The following ARL5B variants were observed in gnomAD, a reference collection of about 807,000 sequenced individuals.
The protein encoded by ARL5B is ARF like GTPase 5B, also known as ADP-ribosylation factor-like protein 5B.
A neutral mutation model predicts 26.9 loss-of-function variants in ARL5B; 10 were observed. The observed-to-expected ratio is 0.37, with a 90% CI of 0.23 to 0.63. ARL5B has a LOEUF of 0.63. Among genes scored for constraint, ARL5B ranks in the 30% least tolerant of loss-of-function variants. The probability of loss-of-function intolerance (pLI) is 0.62; values close to 1 mark genes in which losing one functional copy is unlikely to be tolerated. For missense variants in ARL5B, 167 were observed against 213.9 expected (o/e 0.78, Z 1.37); for synonymous variants, 87 against 70.4 (o/e 1.24, Z -1.18).
In ARL5B at chr10:18,679,154, T is replaced by C. The variant is rs1437382176; in HGVS notation, c.*3938T>C. The C allele has an allele frequency of 1.3e-5, 2 of 151,862 alleles. No individual in the cohort carries two copies. Among genetic ancestry groups the C allele is most frequent in the African/African-American group, 4.8e-5 (2 of 41,420 alleles). The allele number at this position is 151,862 out of a possible 1,614,324, so 9.4% of individuals were successfully genotyped here. On this transcript the variant is annotated 3_prime_UTR_variant, in exon 6 of 6. Transcript: ENST00000377275. ...AACTTAAATTCAGCGAATTAATAGC[T>C]GAATAGAAATAGCTAATGACAATGC...
intron 3 of ARL5B, 132 bp downstream of exon 3, chr10:18,668,809 C>T (rs1320044996): frequency 4.1e-6 from 4 of 976,602 alleles, no homozygotes; most frequent in Non-Finnish European, 4.3e-6. Context: ...CTTGCTCTGT[C>T]GCCAGGCTAG....
intron 3 of ARL5B, among the ~76,000 whole-genome samples, chr10:18,671,612 G>A (rs79654577): frequency 6.6e-6 from 1 of 151,536 alleles, no homozygotes; most frequent in African/African-American, 2.4e-5. Context: ...CAGCTTAAGG[G>A]TGCTTTTTCG....
At chr10:18,665,872 A>G (rs1256786809) in intron 1 of ARL5B, among the ~76,000 whole-genome samples, 1 of 152,222 alleles carries the variant, frequency 6.6e-6, no homozygotes, top group Non-Finnish European at 1.5e-5. Context: ...TAACGGAATA[A>G]TTAGATGAGC....
In ARL5B at chr10:18,678,902, T is replaced by G. The variant is rs1411282699; in HGVS notation, c.*3686T>G. 4 of 151,866 alleles carry G rather than the reference T, an allele frequency of 2.6e-5. No individual in the cohort carries two copies. The highest frequency in any genetic ancestry group is 5.9e-5 in the Non-Finnish European group (4 of 67,802). The allele number at this position is 151,866 out of a possible 1,614,324, so 9.4% of individuals were successfully genotyped here. ...TTAGTGTCCATGGCTTTCCTTTTGT[T>G]TTTCCCATACTGAGGAACTTAAACT... On this transcript the variant is annotated 3_prime_UTR_variant, in exon 6 of 6. Transcript: ENST00000377275.
At position 18,679,537 on chromosome 10, in the gene ARL5B, C is replaced by T. The variant is rs2059924006; in HGVS notation, c.*4321C>T. The T allele has an allele frequency of 6.6e-6, 1 of 151,734 alleles. No homozygotes were observed. The highest frequency in any genetic ancestry group is 1.5e-5 in the Non-Finnish European group (1 of 67,810). 9.4% of individuals were successfully genotyped at this position (151,734 alleles called of 1,614,324 possible). A position where few individuals can be genotyped will look rare whatever the true frequency, so the allele number is the denominator to read the frequency against. On this transcript the variant is annotated 3_prime_UTR_variant, in exon 6 of 6. Transcript: ENST00000377275. ...TACTGTGAAGACTGAAATCCAAAAG[C>T]CAGGTTCCCCAAAAAAGTATTTTTA...
chr10:18,674,121 T>C lies in ARL5B; in HGVS notation c.477T>C (p.Ala159=). The C allele has an allele frequency of 1.2e-6, 2 of 1,610,556 alleles. No individual in the cohort carries two copies. The highest frequency in any genetic ancestry group is 1.7e-6 in the Non-Finnish European group (2 of 1,178,510). Residue 159 remains alanine (A), a synonymous_variant, in exon 5 of 6, where the codon GCT becomes GCC. Coordinates refer to ENST00000377275, the MANE Select transcript of ARL5B (RefSeq NM_178815.5). ...DHPWHIQSCC[A]LTGEGLCQGL... ...CATGGCACATTCAATCCTGCTGTGC[T>C]CTCACAGGAGAAGGGTAAGTTCATC...
chr10:18,668,431 T>C, intron 2 of ARL5B, 99 bp from the exon 3 acceptor site: 1 of 1,270,322 alleles, frequency 7.9e-7, no homozygotes, highest in Non-Finnish European at 1.1e-6. Context: ...ATCACCATCA[T>C]TGGTGCAGAA....
intron 1 of ARL5B, among the ~76,000 whole-genome samples, chr10:18,666,057 T>C (rs765307106): frequency 5.9e-5 from 9 of 152,218 alleles, no homozygotes; most frequent in Non-Finnish European, 1.3e-4. Context: ...CTTGAGAGTA[T>C]ATGTTTGTCT....
chr10:18,670,731 A>G (rs1196358084), intron 3 of ARL5B, among the ~76,000 whole-genome samples: 1 of 152,264 alleles, frequency 6.6e-6, no homozygotes, highest in African/African-American at 2.4e-5. Context: ...GGCAGTTATC[A>G]TTGATGAATA....
chr10:18,675,696 A>G lies in ARL5B; in HGVS notation c.*480A>G, dbSNP rs1386050168. The G allele has an allele frequency of 6.4e-6, 1 of 155,178 alleles. No homozygotes were observed. Among genetic ancestry groups the G allele is most frequent in the Non-Finnish European group, 1.4e-5 (1 of 69,808 alleles). 9.6% of individuals were successfully genotyped at this position (155,178 alleles called of 1,614,324 possible). A position where few individuals can be genotyped will look rare whatever the true frequency, so the allele number is the denominator to read the frequency against. On this transcript the variant is annotated 3_prime_UTR_variant, in exon 6 of 6. Transcript: ENST00000377275. ...CCTCTATAAACCATTCATCTTTCGG[A>G]CAGAACTTACTGTAAAGAAAGAAAT...
In ARL5B at chr10:18,675,444, T is replaced by A. The variant is rs776840031; in HGVS notation, c.*228T>A. ...ATGAATGTAATGTATAACTATGTTT[T>A]CAGCAACAATTCTTCTGTTTATTCT... is the stretch of plus-strand genomic sequence containing the variant. On this transcript the variant is annotated 3_prime_UTR_variant, in exon 6 of 6. Coordinates refer to ENST00000377275, the MANE Select transcript of ARL5B (RefSeq NM_178815.5). 4 of 477,950 alleles carry A rather than the reference T, an allele frequency of 8.4e-6. No homozygotes were observed. The highest frequency in any genetic ancestry group is 1.5e-5 in the Non-Finnish European group (4 of 264,996). 29.6% of individuals were successfully genotyped at this position (477,950 alleles called of 1,614,324 possible).
At chr10:18,674,525 A>T (rs2059902128) in intron 5 of ARL5B, among the ~76,000 whole-genome samples, 9 of 152,130 alleles carry the variant, frequency 5.9e-5, no homozygotes, top group Admixed American at 5.2e-4. Context: ...TTTCTGCAAG[A>T]GTATGTCTTC....
At chr10:18,659,854 G>T in intron 1 of ARL5B, 171 bp downstream of exon 1, 1 of 985,364 alleles carries the variant, frequency 1.0e-6, no homozygotes, top group Non-Finnish European at 1.2e-6. Context: ...GTACAGGAGA[G>T]ACCTGACGTG....
rs767949340 is a variant in ARL5B, at chr10:18,672,655, G to A, written c.289G>A (p.Glu97Lys). The A allele has an allele frequency of 6.2e-6, 10 of 1,610,666 alleles. No homozygotes were observed. Among genetic ancestry groups the A allele is most frequent in the Non-Finnish European group, 8.5e-6 (10 of 1,178,398 alleles). Reference sequence around the variant, plus strand: ...TCTTGTTGTTGATAGCATTGACAGGGAACGACTAGCTATTACAAAAGAAGA... The same window carrying A: ...TCTTGTTGTTGATAGCATTGACAGGAAACGACTAGCTATTACAAAAGAAGA... ...IILVVDSIDR[E>K]RLAITKEELY... Residue 97 changes from glutamate (E) to lysine (K), a missense_variant, in exon 4 of 6, where the codon GAA (glutamate) becomes AAA (lysine). Transcript: ENST00000377275.
chr10:18,661,807 G>A (rs576720074), intron 1 of ARL5B, among the ~76,000 whole-genome samples: 1 of 152,338 alleles, frequency 6.6e-6, no homozygotes, highest in African/African-American at 2.4e-5. Flanking sequence ...GTTATTCTAG[G>A]CAGAAGAGCT....
In ARL5B at chr10:18,675,386, CTTTTTT is replaced by C; in HGVS notation, c.*176_*181del. 4.2e-6 allele frequency: 2 copies of C among 481,518 alleles called. No individual in the cohort carries two copies. Among genetic ancestry groups the C allele is most frequent in the Non-Finnish European group, 7.3e-6 (2 of 272,680 alleles). 29.8% of individuals were successfully genotyped at this position (481,518 alleles called of 1,614,324 possible). On this transcript the variant is annotated 3_prime_UTR_variant, in exon 6 of 6. Transcript: ENST00000377275. The stretch of plus-strand genomic sequence containing the variant: ...TGGAACATAAAAGATTTTTTCTTAA[CTTTTTT>C]TTTTTAACACACTAATCTTCAGTTG...
At chr10:18,662,370 C>CT (rs1590223508) in intron 1 of ARL5B, among the ~76,000 whole-genome samples, 1 of 152,032 alleles carries the variant, frequency 6.6e-6, no homozygotes, top group African/African-American at 2.4e-5. Context: ...AATTAGATAC[C>CT]TTTCTGTGAA....
intron 1 of ARL5B, chr10:18,659,999 T>G: frequency 1.1e-6 from 1 of 943,854 alleles, no homozygotes; most frequent in African/African-American, 1.8e-5. Context: ...TTCTCGTCTT[T>G]ATTGAAGCGT....
At chr10:18,665,768 G>A (rs900810421) in intron 1 of ARL5B, among the ~76,000 whole-genome samples, 5 of 152,188 alleles carry the variant, frequency 3.3e-5, no homozygotes, top group Non-Finnish European at 5.9e-5. Context: ...TGGAGAAGGG[G>A]ATCTTTAGTA....
Sources: gnomAD v4.1 joint callset for allele counts (sites outside exome capture counted in the v4.1 genomes callset) on GRCh38, gnomAD v4.1.1 for gene constraint, MANE v1.5 for transcripts, NCBI Gene and HGNC (gene_info 2026-07-23, HGNC 2026-07-21) for gene names.